The following OPCML variants were observed in gnomAD, a reference collection of about 807,000 sequenced individuals.
The protein encoded by OPCML is opioid-binding protein/cell adhesion molecule.
OPCML carries 13 observed loss-of-function variants against 37.8 expected under a neutral mutation model. The observed-to-expected ratio is 0.34, with a 90% CI of 0.22 to 0.55. OPCML has a LOEUF of 0.55. Among genes scored for constraint, OPCML ranks in the 20% least tolerant of loss-of-function variants. The pLI, the probability that OPCML is intolerant of heterozygous loss-of-function variation, is 0.91. For synonymous variants in OPCML, 176 were observed against 168.8 expected, an observed-to-expected ratio of 1.04 and a Z score of -0.33; for missense variants, 341 against 435.6, an observed-to-expected ratio of 0.78 and a Z score of 1.93.
At chr11:132,890,985 T>A (rs76206183) in intron 2 of OPCML, among the ~76,000 whole-genome samples, 293 of 152,296 alleles carry the variant, frequency 1.9e-3, no homozygotes, top group African/African-American at 5.7e-3. Context: ...CTCTCTATTA[T>A]GAAGTATGCC....
chr11:133,032,970 T>TA (rs1464782412), intron 1 of OPCML, among the ~76,000 whole-genome samples: 1 of 152,180 alleles, frequency 6.6e-6, no homozygotes, highest in African/African-American at 2.4e-5. Context: ...TATATATAAT[T>TA]ACTCTACATT....
intron 1 of OPCML, among the ~76,000 whole-genome samples, chr11:133,226,387 C>G (rs1209927478): frequency 6.6e-6 from 1 of 152,178 alleles, no homozygotes; most frequent in African/African-American, 2.4e-5. Context: ...GGACAGAGCC[C>G]CCTTCTTTTT....
chr11:133,513,829 G>T (rs1948208118), intron 1 of OPCML, among the ~76,000 whole-genome samples: 1 of 152,100 alleles, frequency 6.6e-6, no homozygotes, highest in Non-Finnish European at 1.5e-5. Context: ...CATTTATAAT[G>T]GTTCATGAAA....
intron 2 of OPCML, among the ~76,000 whole-genome samples, chr11:132,899,540 G>C (rs1053336341): frequency 6.6e-6 from 1 of 152,138 alleles, no homozygotes; most frequent in South Asian, 2.1e-4. Context: ...CCTTGTTACT[G>C]TCTTCATTTG....
chr11:132,826,193 T>G (rs1195779319), intron 2 of OPCML, among the ~76,000 whole-genome samples: 2 of 152,222 alleles, frequency 1.3e-5, no homozygotes, highest in Non-Finnish European at 2.9e-5. Flanking sequence ...TAAGTATGCA[T>G]GCTTGTCTGT....
At chr11:133,135,757 G>C (rs966276815) in intron 1 of OPCML, among the ~76,000 whole-genome samples, 1 of 152,136 alleles carries the variant, frequency 6.6e-6, no homozygotes, top group Non-Finnish European at 1.5e-5. Context: ...CCTCAAAGTA[G>C]CGTCCTTTTT....
intron 1 of OPCML, among the ~76,000 whole-genome samples, chr11:132,984,347 A>C (rs1487621301): frequency 6.6e-6 from 1 of 152,218 alleles, no homozygotes; most frequent in Non-Finnish European, 1.5e-5. Flanking sequence ...ATATAATGGC[A>C]ATCAATATGT....
At chr11:133,126,257 C>T (rs921790857) in intron 1 of OPCML, among the ~76,000 whole-genome samples, 5 of 152,006 alleles carry the variant, frequency 3.3e-5, no homozygotes, top group African/African-American at 7.2e-5. Flanking sequence ...CTGGAGAAGG[C>T]GATGTCTCAG....
chr11:132,553,651 TA>T (rs1226243094), intron 3 of OPCML, among the ~76,000 whole-genome samples: 3 of 152,222 alleles, frequency 2.0e-5, no homozygotes, highest in Non-Finnish European at 4.4e-5. Flanking sequence ...TTTAACAAAA[TA>T]CATAAATATA....
chr11:133,009,328 A>G (rs913896867), intron 1 of OPCML: 2 of 585,610 alleles, frequency 3.4e-6, no homozygotes, highest in Non-Finnish European at 4.3e-6. Flanking sequence ...AGAATCTAGA[A>G]TAAAAAAGAT....
chr11:132,747,526 G>A (rs1211842064), intron 2 of OPCML, among the ~76,000 whole-genome samples: 1 of 152,162 alleles, frequency 6.6e-6, no homozygotes, highest in Non-Finnish European at 1.5e-5. Context: ...AGGAACTGGA[G>A]GAATCACTTC....
chr11:133,135,682 G>A lies in OPCML; in HGVS notation c.62-192672C>T, dbSNP rs768827460. ...CAGAAGACTCCCAAAATACAGATGC[G>A]AAGACTGAGGCTCTATGGAGTTAAC... On this transcript the variant is annotated intron_variant, in intron 1 of 7. Coordinates refer to ENST00000524381, the MANE Select transcript of OPCML (RefSeq NM_001012393.5). Among the ~76,000 whole-genome samples, 51 of 152,202 alleles carry A rather than the reference G, an allele frequency of 3.4e-4. 1 individual carries two copies. The highest frequency in any genetic ancestry group is 6.3e-4 in the Non-Finnish European group (43 of 68,014).
At chr11:132,716,412 GT>G (rs1944487609) in intron 2 of OPCML, among the ~76,000 whole-genome samples, 1 of 103,968 alleles carries the variant, frequency 9.6e-6, no homozygotes, top group African/African-American at 4.4e-5. Context: ...CTATCTGTCT[GT>G]CTATCTATCT....
At chr11:132,611,357 G>A (rs527489355) in intron 3 of OPCML, among the ~76,000 whole-genome samples, 46 of 152,220 alleles carry the variant, frequency 3.0e-4, no homozygotes, top group African/African-American at 5.5e-4. Flanking sequence ...ATCCACTGCC[G>A]TTCAGTTCCA....
At chr11:133,144,627 A>G (rs1249668799) in intron 1 of OPCML, among the ~76,000 whole-genome samples, 8 of 152,262 alleles carry the variant, frequency 5.3e-5, no homozygotes, top group South Asian at 2.1e-4. Context: ...TGTCGAGTGC[A>G]TAAGTGATTA....
intron 1 of OPCML, among the ~76,000 whole-genome samples, chr11:133,157,292 C>T (rs1268036794): frequency 7.9e-5 from 12 of 152,130 alleles, no homozygotes; most frequent in Admixed American, 7.9e-4. Flanking sequence ...TTTGCCCTAT[C>T]GAGTTTGTAA....
chr11:133,167,626 C>G (rs532778450), intron 1 of OPCML, among the ~76,000 whole-genome samples: 42 of 152,076 alleles, frequency 2.8e-4, no homozygotes, highest in Non-Finnish European at 4.6e-4. Flanking sequence ...CCTTGAGTGC[C>G]CTGGCTACCT....
At chr11:133,163,685 G>A (rs138846837) in intron 1 of OPCML, among the ~76,000 whole-genome samples, 1 of 152,146 alleles carries the variant, frequency 6.6e-6, no homozygotes, top group South Asian at 2.1e-4. Flanking sequence ...TGTGAGTGTT[G>A]CAGGAAGGAC....
At chr11:132,508,616 G>A (rs2096262506) in intron 4 of OPCML, among the ~76,000 whole-genome samples, 1 of 152,040 alleles carries the variant, frequency 6.6e-6, no homozygotes, top group Admixed American at 6.6e-5. Flanking sequence ...GAAGCATGGG[G>A]GTCTTTCCCA....
Sources: allele counts gnomAD v4.1 joint callset (sites outside exome capture counted in the v4.1 genomes callset), GRCh38; gene constraint gnomAD v4.1.1; transcripts MANE v1.5; gene names NCBI Gene and HGNC (gene_info 2026-07-23, HGNC 2026-07-21).